SLC10A7: variants seen among roughly 807,000 people sequenced by gnomAD.
SLC10A7 encodes the protein sodium/bile acid cotransporter 7.
A neutral mutation model predicts 43.2 loss-of-function variants in SLC10A7; 29 were observed. That is an observed-to-expected ratio of 0.67 (90% confidence interval 0.50 to 0.92). The LOEUF (loss-of-function observed/expected upper bound fraction) is 0.92, where lower values mean the gene tolerates loss of function less well. SLC10A7 is among the 40% of genes least tolerant of loss of function. SLC10A7 has a pLI of 0.00. For synonymous variants in SLC10A7, 152 were observed against 144.8 expected, an observed-to-expected ratio of 1.05 and a Z score of -0.35; for missense variants, 295 against 403.2, an observed-to-expected ratio of 0.73 and a Z score of 2.30.
intron 4 of SLC10A7, among the ~76,000 whole-genome samples, chr4:146,485,926 A>G (rs1049181967): frequency 6.8e-4 from 104 of 152,296 alleles, no homozygotes; most frequent in Non-Finnish European, 1.1e-3. Flanking sequence ...AAGCTCAGAA[A>G]AGAGAGGTGT....
At chr4:146,488,861 C>T (rs1579318054) in intron 4 of SLC10A7, among the ~76,000 whole-genome samples, 2 of 152,206 alleles carry the variant, frequency 1.3e-5, no homozygotes, top group South Asian at 4.1e-4. Context: ...TGAATTACTG[C>T]CTTAATAATA....
At chr4:146,359,176 C>A (rs1188786202) in intron 5 of SLC10A7, among the ~76,000 whole-genome samples, 1 of 152,018 alleles carries the variant, frequency 6.6e-6, no homozygotes, top group Non-Finnish European at 1.5e-5. Flanking sequence ...TGGATATTAT[C>A]CATTATGAAG....
chr4:146,468,635 A>G (rs547129372), intron 4 of SLC10A7, among the ~76,000 whole-genome samples: 2 of 151,830 alleles, frequency 1.3e-5, no homozygotes, highest in South Asian at 4.2e-4. Context: ...ACACCCGGCT[A>G]ATTTTTAGTA....
At chr4:146,291,977 G>A (rs1422181770) in intron 9 of SLC10A7, among the ~76,000 whole-genome samples, 1 of 152,186 alleles carries the variant, frequency 6.6e-6, no homozygotes, top group African/African-American at 2.4e-5. Context: ...TGCATTTGAG[G>A]TAAGCTTTTA....
At chr4:146,321,986 T>A (rs774198699) in intron 6 of SLC10A7, among the ~76,000 whole-genome samples, 11 of 152,166 alleles carry the variant, frequency 7.2e-5, no homozygotes, top group Non-Finnish European at 1.0e-4. Context: ...CTGAACCTAC[T>A]GGGATAGCCC....
intron 9 of SLC10A7, among the ~76,000 whole-genome samples, chr4:146,287,253 A>G (rs566864449): frequency 6.6e-6 from 1 of 152,268 alleles, no homozygotes; most frequent in Admixed American, 6.5e-5. Context: ...CTGTGTTTTC[A>G]AGAAATCTGG....
chr4:146,509,121 A>G (rs1034936080), intron 3 of SLC10A7, among the ~76,000 whole-genome samples: 7 of 151,842 alleles, frequency 4.6e-5, no homozygotes, highest in African/African-American at 1.7e-4. Flanking sequence ...CACATATCTC[A>G]CTGTTTTGTT....
At chr4:146,397,299 T>C (rs746101810) in intron 5 of SLC10A7, among the ~76,000 whole-genome samples, 2 of 152,170 alleles carry the variant, frequency 1.3e-5, no homozygotes, top group Non-Finnish European at 2.9e-5. Flanking sequence ...GCACACTATA[T>C]GTCAACTAAA....
At chr4:146,364,879 AT>A (rs1238608098) in intron 5 of SLC10A7, among the ~76,000 whole-genome samples, 2 of 152,168 alleles carry the variant, frequency 1.3e-5, no homozygotes, top group African/African-American at 2.4e-5. Flanking sequence ...GTAAAAAAAA[AT>A]CATATGTACC....
intron 4 of SLC10A7, among the ~76,000 whole-genome samples, chr4:146,461,052 G>A (rs1201772629): frequency 6.6e-6 from 1 of 151,914 alleles, no homozygotes; most frequent in Non-Finnish European, 1.5e-5. Flanking sequence ...GGCTCTGCTT[G>A]TGATTTGTAA....
rs74327544 is a variant in SLC10A7 at position 146,330,437 on chromosome 4, CA to C, written c.436-4442del. The stretch of plus-strand genomic sequence containing the variant: ...GGATACTGCATTAACTCAGTTTTCA[CA>C]GAATAAAGAATATCAGTTTTGAAAG... On this transcript the variant is annotated intron_variant, in intron 5 of 11. Coordinates refer to ENST00000335472, the MANE Select transcript of SLC10A7 (RefSeq NM_001029998.6). 1.1e-3 allele frequency among the ~76,000 whole-genome samples: 174 copies of C among 152,264 alleles called. 1 individual carries two copies. In the East Asian group the frequency reaches 0.02, roughly 17 times the overall value.
intron 7 of SLC10A7, among the ~76,000 whole-genome samples, chr4:146,300,561 G>T (rs1445332092): frequency 6.6e-6 from 1 of 152,054 alleles, no homozygotes. Flanking sequence ...CCTTCTCCAA[G>T]GTACTGGAGG....
At chr4:146,298,501 G>A (rs574727006) in intron 7 of SLC10A7, among the ~76,000 whole-genome samples, 1 of 152,286 alleles carries the variant, frequency 6.6e-6, no homozygotes, top group Non-Finnish European at 1.5e-5. Context: ...ATGCATGAAT[G>A]ATAATGTATA....
intron 5 of SLC10A7, among the ~76,000 whole-genome samples, chr4:146,424,935 T>G (rs1238200329): frequency 6.6e-6 from 1 of 152,218 alleles, no homozygotes; most frequent in Admixed American, 6.5e-5. Context: ...TGAAATGTCA[T>G]AATTATGTAA....
intron 4 of SLC10A7, among the ~76,000 whole-genome samples, chr4:146,503,192 A>G (rs1736577743): frequency 6.6e-6 from 1 of 152,170 alleles, no homozygotes; most frequent in Non-Finnish European, 1.5e-5. Context: ...CTTCAATAAC[A>G]TCTTTTTTCT....
intron 4 of SLC10A7, among the ~76,000 whole-genome samples, chr4:146,487,963 G>T (rs1452883629): frequency 6.6e-6 from 1 of 152,036 alleles, no homozygotes; most frequent in African/African-American, 2.4e-5. Context: ...GAGGTAGGAG[G>T]ATTGCTTGAG....
chr4:146,420,949 C>G (rs1410924759), intron 5 of SLC10A7, among the ~76,000 whole-genome samples: 1 of 152,022 alleles, frequency 6.6e-6, no homozygotes, highest in Non-Finnish European at 1.5e-5. Flanking sequence ...ATTGCTTGAG[C>G]CCTGGAGGTT....
intron 5 of SLC10A7, among the ~76,000 whole-genome samples, chr4:146,371,200 A>C (rs1031829167): frequency 1.3e-5 from 2 of 152,332 alleles, no homozygotes; most frequent in Middle Eastern, 3.4e-3. Context: ...TAGATAGATT[A>C]GGGTTCAAAT....
intron 10 of SLC10A7, among the ~76,000 whole-genome samples, chr4:146,266,545 G>A (rs77924232): frequency 9.9e-5 from 15 of 152,066 alleles, no homozygotes; most frequent in Admixed American, 6.6e-4. Context: ...ACTAAACAAA[G>A]GGGCAATTAT....
Sources: gnomAD v4.1 joint callset for allele counts (sites outside exome capture counted in the v4.1 genomes callset) on GRCh38, gnomAD v4.1.1 for gene constraint, MANE v1.5 for transcripts, NCBI Gene and HGNC (gene_info 2026-07-23, HGNC 2026-07-21) for gene names.